The following ITGA9 variants were observed in gnomAD, a reference collection of about 807,000 sequenced individuals.
ITGA9 encodes the protein integrin alpha-9.
Under a neutral mutation model 127.8 loss-of-function variants are expected in ITGA9, and 56 were observed. The ratio of observed to expected loss-of-function variants is 0.44; its 90% CI spans 0.35 to 0.55. The LOEUF is 0.55. Ranked by LOEUF, ITGA9 falls within the 20% of genes least tolerant of loss-of-function variation. The pLI, the probability that ITGA9 is intolerant of heterozygous loss-of-function variation, is 0.00. For synonymous variants in ITGA9, 508 were observed against 514.5 expected (o/e 0.99, Z 0.17); for missense variants, 1,196 against 1,347.1 (o/e 0.89, Z 1.76).
intron 23 of ITGA9, among the ~76,000 whole-genome samples, chr3:37,757,975 T>C (rs1456403978): frequency 6.6e-6 from 1 of 151,502 alleles, no homozygotes; most frequent in Non-Finnish European, 1.5e-5. Flanking sequence ...CACGCAAAAA[T>C]AGGAAGCAGT....
At chr3:37,482,171 G>A (rs538310513) in intron 4 of ITGA9, among the ~76,000 whole-genome samples, 1 of 152,316 alleles carries the variant, frequency 6.6e-6, no homozygotes, top group Non-Finnish European at 1.5e-5. Context: ...CTGACACTCT[G>A]AACTTTCAGC....
chr3:37,480,871 C>T (rs1254043428), intron 3 of ITGA9, among the ~76,000 whole-genome samples: 2 of 152,180 alleles, frequency 1.3e-5, no homozygotes, highest in Non-Finnish European at 2.9e-5. Context: ...CTGCAGTCTC[C>T]ACCAAGCAGC....
intron 17 of ITGA9, among the ~76,000 whole-genome samples, chr3:37,668,823 C>G (rs1424953392): frequency 6.6e-6 from 1 of 152,224 alleles, no homozygotes; most frequent in Non-Finnish European, 1.5e-5. Context: ...GATGAAAAGC[C>G]AAAGGCAGCT....
At chr3:37,543,214 G>T (rs1203296502) in intron 15 of ITGA9, among the ~76,000 whole-genome samples, 2 of 152,170 alleles carry the variant, frequency 1.3e-5, no homozygotes, top group African/African-American at 4.8e-5. Flanking sequence ...TGCAGCAGGC[G>T]CTGGCAGGGT....
intron 5 of ITGA9, among the ~76,000 whole-genome samples, chr3:37,501,276 C>G (rs889876459): frequency 1.4e-4 from 22 of 152,292 alleles, no homozygotes; most frequent in African/African-American, 5.1e-4. Context: ...CAAGCACAGC[C>G]TGCCTCCTAG....
chr3:37,543,396 T>C (rs1030008058), intron 15 of ITGA9, among the ~76,000 whole-genome samples: 1 of 152,204 alleles, frequency 6.6e-6, no homozygotes, highest in African/African-American at 2.4e-5. Flanking sequence ...GGACACATAA[T>C]TGTGACCTCT....
At chr3:37,671,365 A>T (rs1024421917) in intron 17 of ITGA9, among the ~76,000 whole-genome samples, 8 of 152,234 alleles carry the variant, frequency 5.3e-5, no homozygotes, top group Non-Finnish European at 2.9e-5. Context: ...GGAGGGGCCC[A>T]CTGACTGGCT....
chr3:37,544,135 G>C (rs1699303274), intron 15 of ITGA9, among the ~76,000 whole-genome samples: 1 of 152,156 alleles, frequency 6.6e-6, no homozygotes, highest in South Asian at 2.1e-4. Flanking sequence ...TTTCCTTTAG[G>C]TTTCTTTGCA....
intron 23 of ITGA9, among the ~76,000 whole-genome samples, chr3:37,771,400 A>G (rs1326517511): frequency 6.6e-6 from 1 of 152,250 alleles, no homozygotes; most frequent in Non-Finnish European, 1.5e-5. Flanking sequence ...ATGCACAGAC[A>G]GTTCATGAAG....
intron 8 of ITGA9, among the ~76,000 whole-genome samples, chr3:37,510,024 C>T (rs1417341359): frequency 2.9e-5 from 4 of 136,268 alleles, no homozygotes; most frequent in Admixed American, 7.4e-5. Context: ...TAAAGGATTC[C>T]TTTTTTTTTT....
chr3:37,549,175 G>T (rs1699356000), intron 15 of ITGA9, among the ~76,000 whole-genome samples: 1 of 152,200 alleles, frequency 6.6e-6, no homozygotes, highest in African/African-American at 2.4e-5. Flanking sequence ...GAATCAAGAA[G>T]GGAAAGGGTG....
chr3:37,709,618 G>A (rs1427585966), intron 18 of ITGA9, among the ~76,000 whole-genome samples: 3 of 152,224 alleles, frequency 2.0e-5, no homozygotes, highest in East Asian at 1.9e-4. Flanking sequence ...GCAGATGGGC[G>A]GGTGTGACTG....
chr3:37,740,916 G>T (rs1433967890), intron 20 of ITGA9, among the ~76,000 whole-genome samples: 1 of 152,168 alleles, frequency 6.6e-6, no homozygotes, highest in Non-Finnish European at 1.5e-5. Flanking sequence ...TATAGCCAGG[G>T]TCTATAGCGA....
chr3:37,710,323 A>G (rs1457804962), intron 18 of ITGA9, among the ~76,000 whole-genome samples: 3 of 152,288 alleles, frequency 2.0e-5, no homozygotes, highest in Non-Finnish European at 4.4e-5. Flanking sequence ...CTCTTTTGCT[A>G]TTCTGCCTCA....
At chr3:37,601,116 C>T (rs898456797) in intron 15 of ITGA9, among the ~76,000 whole-genome samples, 1 of 152,168 alleles carries the variant, frequency 6.6e-6, no homozygotes, top group African/African-American at 2.4e-5. Context: ...TAAAGACCCA[C>T]CAGCGACTTT....
chr3:37,515,066 T>A (rs1698970212), intron 9 of ITGA9, among the ~76,000 whole-genome samples: 1 of 152,124 alleles, frequency 6.6e-6, no homozygotes, highest in African/African-American at 2.4e-5. Context: ...AGTACAAGTA[T>A]TCAGCAAGAA....
intron 6 of ITGA9, among the ~76,000 whole-genome samples, chr3:37,504,438 C>A (rs1410513452): frequency 6.6e-6 from 1 of 151,484 alleles, no homozygotes; most frequent in Non-Finnish European, 1.5e-5. Context: ...AAATGCTGAG[C>A]TGCCTTCCCT....
chr3:37,531,257 G>A (rs1448920723), intron 13 of ITGA9, among the ~76,000 whole-genome samples: 1 of 152,168 alleles, frequency 6.6e-6, no homozygotes, highest in Admixed American at 6.5e-5. Flanking sequence ...TCCTGTGTCA[G>A]GGTGATAGGC....
At chr3:37,748,652 C>G in intron 22 of ITGA9, 1 of 514,018 alleles carries the variant, frequency 1.9e-6, no homozygotes, top group Non-Finnish European at 3.5e-6. Flanking sequence ...GAGGCTGAGG[C>G]AGGGAGAATT....
Sources: allele counts gnomAD v4.1 joint callset (sites outside exome capture counted in the v4.1 genomes callset), GRCh38; gene constraint gnomAD v4.1.1; transcripts MANE v1.5; gene names NCBI Gene and HGNC (gene_info 2026-07-23, HGNC 2026-07-21).